BMPER: variants seen among roughly 807,000 people sequenced by gnomAD.
BMPER encodes BMP-binding endothelial regulator protein.
Under a neutral mutation model 87.3 loss-of-function variants are expected in BMPER, and 45 were observed. That is an observed-to-expected ratio of 0.52 (90% CI 0.41 to 0.66). The LOEUF (loss-of-function observed/expected upper bound fraction) is 0.66, where lower values mean the gene tolerates loss of function less well. BMPER is among the 30% of genes least tolerant of loss of function. The pLI is 0.00. For synonymous variants in BMPER, 326 were observed against 316.2 expected (o/e 1.03, Z -0.33); for missense variants, 784 against 867.5 (o/e 0.90, Z 1.21).
intron 6 of BMPER, among the ~76,000 whole-genome samples, chr7:33,977,706 G>T (rs1785724569): frequency 6.6e-6 from 1 of 152,014 alleles, no homozygotes; most frequent in African/African-American, 2.4e-5. Flanking sequence ...TAGTATTTAT[G>T]TGACTATATA....
At chr7:34,150,163 G>A (rs1024867699) in intron 14 of BMPER, among the ~76,000 whole-genome samples, 7 of 152,138 alleles carry the variant, frequency 4.6e-5, no homozygotes, top group African/African-American at 1.4e-4. Context: ...CTTCAGTGGG[G>A]CTTGAGGTAG....
chr7:34,065,245 T>TCTCTCTCTCTCC (rs1562720574), intron 11 of BMPER, among the ~76,000 whole-genome samples: 2 of 147,230 alleles, frequency 1.4e-5, no homozygotes, highest in Non-Finnish European at 3.0e-5. Flanking sequence ...TCTCTCTCTC[T>TCTCTCTCTCTCC]CTCCCTCTCT....
chr7:34,009,867 G>T (rs1786833102), intron 6 of BMPER, among the ~76,000 whole-genome samples: 1 of 151,842 alleles, frequency 6.6e-6, no homozygotes, highest in African/African-American at 2.4e-5. Context: ...GTGATTCTGT[G>T]TTGACTAGCT....
intron 2 of BMPER, among the ~76,000 whole-genome samples, chr7:33,907,865 G>A (rs1046468044): frequency 2.0e-5 from 3 of 152,342 alleles, no homozygotes; most frequent in Admixed American, 6.5e-5. Context: ...TTAGGCAAAA[G>A]CCAAGCTATC....
intron 14 of BMPER, among the ~76,000 whole-genome samples, chr7:34,149,382 C>T (rs1278247927): frequency 6.6e-6 from 1 of 152,180 alleles, no homozygotes; most frequent in African/African-American, 2.4e-5. Context: ...CTGTGGGTTG[C>T]AGAGGAGAGA....
chr7:33,974,321 A>G (rs1182205724), intron 5 of BMPER, among the ~76,000 whole-genome samples: 1 of 152,002 alleles, frequency 6.6e-6, no homozygotes. Context: ...ATCTGCTCCA[A>G]GCCCATGGTT....
chr7:33,945,103 G>A (rs1354892984), intron 3 of BMPER, among the ~76,000 whole-genome samples: 3 of 151,966 alleles, frequency 2.0e-5, no homozygotes, highest in Non-Finnish European at 2.9e-5. Context: ...CAACACGCCC[G>A]GCTAATTTTT....
At chr7:33,959,544 G>A (rs1785220850) in intron 3 of BMPER, among the ~76,000 whole-genome samples, 1 of 152,090 alleles carries the variant, frequency 6.6e-6, no homozygotes, top group Admixed American at 6.6e-5. Flanking sequence ...TTTTGCAGTG[G>A]GATTCAGCCC....
At chr7:34,011,502 A>C (rs1786873133) in intron 6 of BMPER, among the ~76,000 whole-genome samples, 1 of 149,192 alleles carries the variant, frequency 6.7e-6, no homozygotes, top group Admixed American at 6.7e-5. Flanking sequence ...TGTCTATGGA[A>C]GATGAGTAAA....
At chr7:34,151,210 A>T (rs1204649810) in intron 14 of BMPER, among the ~76,000 whole-genome samples, 1 of 152,206 alleles carries the variant, frequency 6.6e-6, no homozygotes, top group Non-Finnish European at 1.5e-5. Flanking sequence ...ATGCAAATGG[A>T]AAATTCCAAT....
At position 34,153,126 on chromosome 7, in the gene BMPER, C is replaced by T. The variant is rs1328279893; in HGVS notation, c.1911C>T (p.Thr637=). Residue 637 remains threonine, a synonymous_variant, in exon 15 of 15, where the codon ACC becomes ACT. Coordinates refer to ENST00000649409, the MANE Select transcript of BMPER (RefSeq NM_001365308.1). ...TQCKHGAVYD[T]CGPGCIKTCD... ...GTAAGCATGGTGCTGTGTACGATAC[C>T]TGTGGTCCGGGATGTATCAAGACGT... is the stretch of plus-strand genomic sequence containing the variant. The T allele has an allele frequency of 2.5e-6, 4 of 1,613,974 alleles. No individual in the cohort carries two copies. The South Asian group carries it at 3.3e-5, about 13-fold the overall frequency.
At chr7:34,060,464 G>A (rs950653931) in intron 10 of BMPER, among the ~76,000 whole-genome samples, 19 of 152,184 alleles carry the variant, frequency 1.2e-4, no homozygotes, top group African/African-American at 4.6e-4. Flanking sequence ...AGAGCTCTAG[G>A]CAATGAAAAT....
Position 34,079,186 on chromosome 7 carries a change from G to C in BMPER, c.1408G>C (p.Gly470Arg), listed in dbSNP as rs371486015. 6.2e-7 allele frequency: 1 copy of C among 1,613,414 alleles called. No individual in the cohort carries two copies. The highest frequency in any genetic ancestry group is 8.5e-7 in the Non-Finnish European group (1 of 1,180,032). Reference protein sequence around the residue: ...GYLLKVTTKAGLEISWDGDSF... With the variant: ...GYLLKVTTKARLEISWDGDSF... ...CCTCTTGAAAGTGACCACCAAAGCAGGTGGGGCGTCTGTGGCCTCCCTCTT... is the reference window on the plus strand; with the variant it reads ...CCTCTTGAAAGTGACCACCAAAGCACGTGGGGCGTCTGTGGCCTCCCTCTT... The change falls in exon 12 of 15, where the codon GGT (glycine) becomes CGT (arginine). Residue 470 changes from glycine to arginine, a missense_variant and splice_region_variant. Coordinates refer to ENST00000649409, the MANE Select transcript of BMPER (RefSeq NM_001365308.1).
chr7:34,004,517 T>G (rs1173696125), intron 6 of BMPER, among the ~76,000 whole-genome samples: 1 of 152,154 alleles, frequency 6.6e-6, no homozygotes, highest in Non-Finnish European at 1.5e-5. Context: ...GATAACATAA[T>G]ATAGCAAGTC....
At chr7:33,978,793 C>G (rs948398124) in intron 6 of BMPER, among the ~76,000 whole-genome samples, 1 of 152,174 alleles carries the variant, frequency 6.6e-6, no homozygotes. Context: ...CTGCTCAGAA[C>G]ATTTATATTA....
chr7:34,141,892 T>C (rs1020344206), intron 13 of BMPER, among the ~76,000 whole-genome samples: 1 of 152,160 alleles, frequency 6.6e-6, no homozygotes, highest in Non-Finnish European at 1.5e-5. Flanking sequence ...TAATTCCTGT[T>C]TAGAGCAGAC....
At chr7:34,086,156 C>T (rs1357551000) in intron 13 of BMPER, 64 bp downstream of exon 13, 4 of 1,541,828 alleles carry the variant, frequency 2.6e-6, no homozygotes, top group South Asian at 1.1e-5. Context: ...GACCTTGGAA[C>T]ATGGTGTATG....
intron 2 of BMPER, among the ~76,000 whole-genome samples, chr7:33,920,364 G>C (rs1784191335): frequency 6.7e-6 from 1 of 149,870 alleles, no homozygotes; most frequent in South Asian, 2.1e-4. Context: ...CTGGTCCAGA[G>C]ATCCTGATGG....
Position 33,980,313 on chromosome 7 carries a change from G to A in BMPER, c.576+5529G>A, listed in dbSNP as rs572386276. Among the ~76,000 whole-genome samples, 27 of 152,306 alleles carry A rather than the reference G, an allele frequency of 1.8e-4. No individual in the cohort carries two copies. The East Asian group carries it at 2.5e-3, about 14-fold the overall frequency. On this transcript the variant is annotated intron_variant, in intron 6 of 14. Transcript: ENST00000649409. ...AGTCATACCAGAGTGCATTCTTTATGAGATGTGTTCAGTGCGAATAAGCAC... is the reference window on the plus strand; with the variant it reads ...AGTCATACCAGAGTGCATTCTTTATAAGATGTGTTCAGTGCGAATAAGCAC...
Sources: gnomAD v4.1 joint callset for allele counts (sites outside exome capture counted in the v4.1 genomes callset) on GRCh38, gnomAD v4.1.1 for gene constraint, MANE v1.5 for transcripts, NCBI Gene and HGNC (gene_info 2026-07-23, HGNC 2026-07-21) for gene names.